Variants in ATXN1 observed in about 807,000 individuals in gnomAD.
ATXN1 encodes the protein ataxin-1.
Under a neutral mutation model 56.4 loss-of-function variants are expected in ATXN1, and 8 were observed. That is an observed-to-expected ratio of 0.14 (90% confidence interval 0.08 to 0.26). The LOEUF (loss-of-function observed/expected upper bound fraction) is 0.26. Among genes scored for constraint, ATXN1 ranks in the 10% least tolerant of loss-of-function variants. The pLI is 1.00. For synonymous variants in ATXN1, 514 were observed against 494.6 expected, an observed-to-expected ratio of 1.04 and a Z score of -0.52; for missense variants, 987 against 1,106.5, an observed-to-expected ratio of 0.89 and a Z score of 1.53.
chr6:16,636,210 G>A (rs1358489720), intron 3 of ATXN1, among the ~76,000 whole-genome samples: 1 of 152,146 alleles, frequency 6.6e-6, no homozygotes, highest in Admixed American at 6.5e-5. Flanking sequence ...GGATGATCTG[G>A]GCTACTGCTT....
Position 16,700,233 on chromosome 6 carries a change from C to A in ATXN1, c.-614-42332G>T, listed in dbSNP as rs146711041. On this transcript the variant is annotated intron_variant, in intron 2 of 7. Coordinates refer to ENST00000436367, the MANE Select transcript of ATXN1 (RefSeq NM_001128164.2). ...ATGCTGGTCAAACTGGCGATCTGGA[C>A]AGGCTCTTTGGAGCAAGGTGCTCAA... Among the ~76,000 whole-genome samples, 797 of 152,258 alleles carry A rather than the reference C, an allele frequency of 5.2e-3. 9 individuals are homozygous for A. Among genetic ancestry groups the A allele is most frequent in the South Asian group, 8.9e-3 (43 of 4,826 alleles).
chr6:16,441,732 T>C (rs1431213880), intron 6 of ATXN1, among the ~76,000 whole-genome samples: 1 of 152,032 alleles, frequency 6.6e-6, no homozygotes, highest in East Asian at 1.9e-4. Context: ...ATTTTCTAGA[T>C]GAAGACCAAA....
intron 4 of ATXN1, among the ~76,000 whole-genome samples, chr6:16,531,791 G>C (rs955430968): frequency 6.6e-6 from 1 of 152,146 alleles, no homozygotes; most frequent in Admixed American, 6.5e-5. Context: ...CTTAAAAGCA[G>C]TAATGTAACA....
intron 4 of ATXN1, among the ~76,000 whole-genome samples, chr6:16,549,333 C>A (rs1761873431): frequency 6.6e-6 from 1 of 152,212 alleles, no homozygotes; most frequent in Non-Finnish European, 1.5e-5. Context: ...TGCAGCATCA[C>A]AGCAAACATA....
intron 2 of ATXN1, among the ~76,000 whole-genome samples, chr6:16,731,020 A>G (rs1449311757): frequency 6.6e-6 from 1 of 152,180 alleles, no homozygotes; most frequent in African/African-American, 2.4e-5. Context: ...ACGTTGCACA[A>G]TTTCACATTC....
At chr6:16,570,883 C>A (rs745919709) in intron 4 of ATXN1, among the ~76,000 whole-genome samples, 1 of 152,140 alleles carries the variant, frequency 6.6e-6, no homozygotes, top group Admixed American at 6.5e-5. Context: ...AGCTGTCCAC[C>A]CTCATCACTT....
intron 2 of ATXN1, among the ~76,000 whole-genome samples, chr6:16,668,112 C>G (rs550289188): frequency 7.9e-5 from 12 of 152,136 alleles, no homozygotes; most frequent in Non-Finnish European, 1.6e-4. Context: ...GTGCCAGATA[C>G]AAAATATCAT....
chr6:16,335,300 AG>A (rs1761093453), intron 6 of ATXN1, among the ~76,000 whole-genome samples: 1 of 152,184 alleles, frequency 6.6e-6, no homozygotes, highest in East Asian at 1.9e-4. Context: ...AGGGGACTGA[AG>A]GCCCTGTCTA....
intron 3 of ATXN1, among the ~76,000 whole-genome samples, chr6:16,594,163 T>TAC (rs1320770993): frequency 6.7e-6 from 1 of 149,232 alleles, no homozygotes; most frequent in East Asian, 1.9e-4. Flanking sequence ...GACTAATATA[T>TAC]ATATATATGT....
chr6:16,579,493 A>ACCC (rs917717347), intron 4 of ATXN1, among the ~76,000 whole-genome samples: 4 of 10,808 alleles, frequency 3.7e-4, no homozygotes, highest in African/African-American at 5.6e-4. Context: ...CCCCCCCCCC[A>ACCC]CCCGCCGATT....
intron 2 of ATXN1, among the ~76,000 whole-genome samples, chr6:16,707,170 A>AT (rs895450425): frequency 9.2e-5 from 14 of 151,908 alleles, no homozygotes; most frequent in African/African-American, 3.1e-4. Flanking sequence ...GCTAGCATCT[A>AT]TTTTTTTTAA....
At chr6:16,460,006 T>TA (rs1177892741) in intron 6 of ATXN1, among the ~76,000 whole-genome samples, 2 of 152,162 alleles carry the variant, frequency 1.3e-5, no homozygotes, top group African/African-American at 4.8e-5. Context: ...ATACAGCCTA[T>TA]ACTGGCTTGT....
intron 5 of ATXN1, 146 bp downstream of exon 5, chr6:16,522,481 T>C (rs1287986593): frequency 1.3e-5 from 2 of 151,402 alleles, no homozygotes; most frequent in East Asian, 3.9e-4. Context: ...ATGAGGAGAG[T>C]CAAAGAATAG....
intron 2 of ATXN1, among the ~76,000 whole-genome samples, chr6:16,712,236 AAAAG>A (rs1759539742): frequency 6.6e-6 from 1 of 151,918 alleles, no homozygotes; most frequent in Non-Finnish European, 1.5e-5. Context: ...TTTATTAGTG[AAAAG>A]AAAGATGTAC....
At chr6:16,512,008 C>T (rs548022702) in intron 5 of ATXN1, among the ~76,000 whole-genome samples, 4 of 152,334 alleles carry the variant, frequency 2.6e-5, no homozygotes, top group East Asian at 3.9e-4. Flanking sequence ...TCTCCTCAAA[C>T]GGTCCCTCTA....
intron 6 of ATXN1, among the ~76,000 whole-genome samples, chr6:16,359,317 AC>A (rs1329900425): frequency 1.3e-5 from 2 of 152,182 alleles, no homozygotes; most frequent in African/African-American, 4.8e-5. Context: ...ACCCATGGCC[AC>A]CCATGGACCA....
intron 2 of ATXN1, among the ~76,000 whole-genome samples, chr6:16,702,330 T>C (rs1057492600): frequency 1.3e-5 from 2 of 152,106 alleles, no homozygotes; most frequent in Admixed American, 1.3e-4. Flanking sequence ...ATACAAAAAT[T>C]AATTCAAGAT....
intron 2 of ATXN1, among the ~76,000 whole-genome samples, chr6:16,703,179 T>TATGATGA: frequency 6.6e-6 from 1 of 151,992 alleles, no homozygotes; most frequent in East Asian, 1.9e-4. Flanking sequence ...ATGTCCTTTG[T>TATGATGA]AGGGACATGG....
intron 3 of ATXN1, among the ~76,000 whole-genome samples, chr6:16,656,014 T>C (rs1758193663): frequency 6.7e-6 from 1 of 149,992 alleles, no homozygotes; most frequent in Non-Finnish European, 1.5e-5. Flanking sequence ...CGCTTGAACC[T>C]GGGAGGTGGA....
Sources: gnomAD v4.1 joint callset for allele counts (sites outside exome capture counted in the v4.1 genomes callset) on GRCh38, gnomAD v4.1.1 for gene constraint, MANE v1.5 for transcripts, NCBI Gene and HGNC (gene_info 2026-07-23, HGNC 2026-07-21) for gene names.